NIPBL: variants seen among roughly 807,000 people sequenced by gnomAD.
NIPBL encodes nipped-B-like protein.
A neutral mutation model predicts 321.8 loss-of-function variants in NIPBL; 19 were observed. The observed-to-expected ratio is 0.06, with a 90% CI of 0.04 to 0.09. The LOEUF (loss-of-function observed/expected upper bound fraction) is 0.09. NIPBL is among the 10% of genes least tolerant of loss of function. The pLI, the probability that NIPBL is intolerant of heterozygous loss-of-function variation, is 1.00. For synonymous variants in NIPBL, 1,106 were observed against 1,114.1 expected (o/e 0.99, Z 0.14); for missense variants, 2,210 against 3,327.0 (o/e 0.66, Z 8.26).
intron 8 of NIPBL, among the ~76,000 whole-genome samples, 175 bp from the exon 9 acceptor site, chr5:36,975,601 T>C (rs546576348): frequency 5.3e-5 from 8 of 152,300 alleles, no homozygotes; most frequent in Admixed American, 4.6e-4. Context: ...GCTAAACAAC[T>C]GTGTGGGACA....
chr5:36,915,839 A>G (rs541477444), intron 1 of NIPBL, among the ~76,000 whole-genome samples: 110 of 152,330 alleles, frequency 7.2e-4, no homozygotes, highest in Non-Finnish European at 1.5e-3. Context: ...AGTGATGCCA[A>G]CTGAACATAC....
intron 5 of NIPBL, 56 bp from the exon 6 acceptor site, chr5:36,962,067 G>GAAT: frequency 3.8e-6 from 6 of 1,593,386 alleles, no homozygotes; most frequent in Admixed American, 1.7e-5. Flanking sequence ...AGATTTCAAG[G>GAAT]AATAGCGTGT....
In NIPBL at chr5:36,955,632, T is replaced by G; in HGVS notation, c.225T>G (p.Asp75Glu). 1 of 1,613,650 alleles carries G rather than the reference T, an allele frequency of 6.2e-7. No homozygotes were observed. Among genetic ancestry groups the G allele is most frequent in the South Asian group, 1.1e-5 (1 of 91,074 alleles). The change falls in exon 3 of 47, where the codon GAT (aspartate) becomes GAG (glutamate). Residue 75 changes from aspartate (D) to glutamate (E), a missense_variant. Around this residue, in one of 14 missense-constraint regions of NIPBL, gnomAD observed 464 missense variants for 529.5 expected, o/e 0.88. Coordinates refer to ENST00000282516, the MANE Select transcript of NIPBL (RefSeq NM_133433.4). Reference sequence around the variant, plus strand: ...ATAGCCTCAACCAGGTATCAACAGATCACATGTAAGTATGATCAATTTTAT... The same window carrying G: ...ATAGCCTCAACCAGGTATCAACAGAGCACATGTAAGTATGATCAATTTTAT... ...LVHSLNQVST[D>E]HIELKDNLGS...
chr5:36,985,542 T>C lies in NIPBL; in HGVS notation c.2362T>C (p.Ser788Pro). Residue 788 changes from serine (S) to proline (P), a missense_variant, in exon 10 of 47, where the codon TCT becomes CCT. By Grantham distance (74) the Ser-to-Pro change is moderately conservative. Coordinates refer to ENST00000282516, the MANE Select transcript of NIPBL (RefSeq NM_133433.4). The stretch of plus-strand genomic sequence containing the variant: ...GTCTAAACATAAACAAGATACTAAA[T>C]CTGACTCACCTCGGTTAAAATCAGA... ...EVSKHKQDTK[S>P]DSPRLKSERA... 6.2e-7 allele frequency: 1 copy of C among 1,613,728 alleles called. No homozygotes were observed. The highest frequency in any genetic ancestry group is 8.5e-7 in the Non-Finnish European group (1 of 1,179,936).
At chr5:37,021,249 A>G (rs1354323093) in intron 27 of NIPBL, among the ~76,000 whole-genome samples, 2 of 152,180 alleles carry the variant, frequency 1.3e-5, no homozygotes, top group African/African-American at 4.8e-5. Context: ...CAGTGAGCCG[A>G]GATCGTGCCA....
At chr5:36,970,746 T>A (rs1742762558) in intron 6 of NIPBL, 130 bp from the exon 7 acceptor site, 1 of 768,398 alleles carries the variant, frequency 1.3e-6, no homozygotes, top group Non-Finnish European at 2.2e-6. Flanking sequence ...ATGAAACTAG[T>A]CAGTACATGA....
chr5:36,990,066 C>G (rs555394962), intron 10 of NIPBL, among the ~76,000 whole-genome samples: 1 of 152,074 alleles, frequency 6.6e-6, no homozygotes, highest in African/African-American at 2.4e-5. Context: ...ATTGTGTGGA[C>G]TCAGTGCTTT....
chr5:36,898,201 G>A (rs534631431), intron 1 of NIPBL, among the ~76,000 whole-genome samples: 34 of 152,260 alleles, frequency 2.2e-4, no homozygotes, highest in African/African-American at 7.7e-4. Context: ...AGTGTTGAAA[G>A]TATGCTTCAT....
chr5:36,984,627 T>G (rs751461667), intron 9 of NIPBL, 49 bp from the exon 10 acceptor site: 13 of 1,514,700 alleles, frequency 8.6e-6, no homozygotes, highest in Non-Finnish European at 1.2e-5. Context: ...TTTAATAAGA[T>G]AAGAATACAT....
Position 36,925,735 on chromosome 5 carries a change from GT to G in NIPBL, c.-79-27880del, listed in dbSNP as rs1398375017. On this transcript the variant is annotated intron_variant, in intron 1 of 46. Transcript: ENST00000282516. ...CACTATTGCATATTGTTAGAAGGCT[GT>G]TTCTTCTTGAGGCTGAGCTAAGAGA... Among the ~76,000 whole-genome samples, 3 of 152,140 alleles carry G rather than the reference GT, an allele frequency of 2.0e-5. No homozygotes were observed. The East Asian group carries it at 5.8e-4, about 29-fold the overall frequency.
intron 6 of NIPBL, among the ~76,000 whole-genome samples, chr5:36,969,558 A>G (rs1041487002): frequency 3.9e-5 from 6 of 152,226 alleles, no homozygotes; most frequent in Non-Finnish European, 7.3e-5. Context: ...TATGGAAACA[A>G]GTAACATTGG....
At chr5:36,880,791 T>C (rs1208753385) in intron 1 of NIPBL, among the ~76,000 whole-genome samples, 1 of 152,086 alleles carries the variant, frequency 6.6e-6, no homozygotes. Flanking sequence ...CTAGTCCTTT[T>C]TCAAGGTGAC....
chr5:37,051,144 C>A (rs12188075), intron 40 of NIPBL: 17,767 of 152,372 alleles, frequency 0.12, 1,130 homozygotes, highest in Admixed American at 0.18. Context: ...TTTTTTCTTT[C>A]CTGATTCGAG....
intron 45 of NIPBL, among the ~76,000 whole-genome samples, chr5:37,063,345 A>T (rs1395184284): frequency 6.6e-6 from 1 of 152,248 alleles, no homozygotes; most frequent in East Asian, 1.9e-4. Flanking sequence ...AAATTTTTCA[A>T]CATTCTTTGC....
chr5:37,030,410 T>G (rs1750859876), intron 32 of NIPBL, among the ~76,000 whole-genome samples: 1 of 152,136 alleles, frequency 6.6e-6, no homozygotes, highest in African/African-American at 2.4e-5. Context: ...ACATAACTAC[T>G]CTGAGCAATT....
chr5:37,006,345 A>AAGT lies in NIPBL; in HGVS notation c.3856-12_3856-11insAGT. ...TGTTTATTTCCATTTCATTAACAAT[A>AAGT]CTGTTTTACAGAATAACGATACTGA... On this transcript the variant is annotated splice_polypyrimidine_tract_variant and intron_variant, in intron 16 of 46. Transcript: ENST00000282516. 7.5e-7 allele frequency: 1 copy of AAGT among 1,332,544 alleles called. No homozygotes were observed. Among genetic ancestry groups the AAGT allele is most frequent in the Non-Finnish European group, 1.1e-6 (1 of 923,456 alleles). 82.5% of individuals were successfully genotyped at this position (1,332,544 alleles called of 1,614,324 possible).
rs73750920 is a variant in NIPBL at position 37,038,342 on chromosome 5, A to T, written c.5972-260A>T. On this transcript the variant is annotated intron_variant, in intron 33 of 46. Transcript: ENST00000282516. The stretch of plus-strand genomic sequence containing the variant: ...CATTTATTCCCAAAAGCCCATTCCT[A>T]AGCTTCCCAATTTCCATTAGTATAA... 0.031 allele frequency among the ~76,000 whole-genome samples: 4,695 copies of T among 152,096 alleles called. 228 individuals are homozygous for T. The highest frequency in any genetic ancestry group is 0.11 in the African/African-American group (4,426 of 41,448).
chr5:36,952,897 A>G (rs910828068), intron 1 of NIPBL, among the ~76,000 whole-genome samples: 2 of 152,232 alleles, frequency 1.3e-5, no homozygotes, highest in Non-Finnish European at 2.9e-5. Flanking sequence ...ATTATTTACC[A>G]AAATAATATT....
rs554872604 is a variant in NIPBL, at chr5:36,898,883, A to G, written c.-80+21705A>G. On this transcript the variant is annotated intron_variant, in intron 1 of 46. Transcript: ENST00000282516. ...CTTTAACTTTTAATTGGCATACTAT[A>G]TTGCTTCTCCACTACCTTTGAACTT... Among the ~76,000 whole-genome samples the G allele has an allele frequency of 1.1e-4, 16 of 152,274 alleles. No individual in the cohort carries two copies. The South Asian group carries it at 2.9e-3, about 28-fold the overall frequency.
Sources: gnomAD v4.1 joint callset for allele counts (sites outside exome capture counted in the v4.1 genomes callset) on GRCh38, gnomAD v4.1.1 for gene constraint, gnomAD v4.1.1 regional missense constraint, MANE v1.5 for transcripts, NCBI Gene and HGNC (gene_info 2026-07-23, HGNC 2026-07-21) for gene names.